RABGAP1L: variants seen among roughly 807,000 people sequenced by gnomAD.
RABGAP1L encodes RAB GTPase activating protein 1 like.
In RABGAP1L, 63 loss-of-function variants were observed where a neutral mutation model predicts 137.7. The ratio of observed to expected loss-of-function variants is 0.46; its 90% CI spans 0.37 to 0.56. The LOEUF (loss-of-function observed/expected upper bound fraction) is 0.56, where lower values mean the gene tolerates loss of function less well. Among genes scored for constraint, RABGAP1L ranks in the 20% least tolerant of loss-of-function variants. The pLI is 0.00. For missense variants in RABGAP1L, 1,095 were observed against 1,244.0 expected, an observed-to-expected ratio of 0.88 and a Z score of 1.80; for synonymous variants, 431 against 433.7, an observed-to-expected ratio of 0.99 and a Z score of 0.08.
chr1:174,329,766 G>A (rs1438341862), intron 11 of RABGAP1L, among the ~76,000 whole-genome samples: 1 of 152,110 alleles, frequency 6.6e-6, no homozygotes, highest in East Asian at 1.9e-4. Context: ...GCATGTGACA[G>A]ACTTCATCTT....
Position 174,525,409 on chromosome 1 carries a change from T to A in RABGAP1L, c.1711-111966T>A, listed in dbSNP as rs570157032. Among the ~76,000 whole-genome samples the A allele has an allele frequency of 7.9e-5, 12 of 152,268 alleles. No individual in the cohort carries two copies. In the East Asian group the frequency reaches 2.3e-3, roughly 29 times the overall value. On this transcript the variant is annotated intron_variant, in intron 13 of 25. Coordinates refer to ENST00000681986, the MANE Select transcript of RABGAP1L (RefSeq NM_001366446.1). ...ATTTTATTTTACTTTTTAGCTATTG[T>A]AAATTGGATTTCCTTGATGCTTTTT... is the stretch of plus-strand genomic sequence containing the variant.
chr1:174,851,478 A>G (rs924911731), intron 19 of RABGAP1L, among the ~76,000 whole-genome samples: 2 of 53,982 alleles, frequency 3.7e-5, no homozygotes, highest in Non-Finnish European at 1.2e-4. Flanking sequence ...ATTTTTTAGC[A>G]TTTCTGTTTT....
At chr1:174,412,214 G>T (rs1399571637) in intron 13 of RABGAP1L, among the ~76,000 whole-genome samples, 1 of 152,094 alleles carries the variant, frequency 6.6e-6, no homozygotes, top group African/African-American at 2.4e-5. Flanking sequence ...TTATCATTAT[G>T]TAATACCTTT....
At chr1:174,209,347 G>A (rs930799715) in intron 1 of RABGAP1L, among the ~76,000 whole-genome samples, 2 of 152,086 alleles carry the variant, frequency 1.3e-5, no homozygotes, top group African/African-American at 4.8e-5. Context: ...GACCTGCCCT[G>A]GACCAGAGGG....
chr1:174,893,793 C>T (rs191620745), intron 19 of RABGAP1L, among the ~76,000 whole-genome samples: 18 of 152,236 alleles, frequency 1.2e-4, no homozygotes, highest in African/African-American at 4.3e-4. Flanking sequence ...CTGGAAGAAT[C>T]CTAATATTAT....
chr1:174,412,587 T>C (rs1011336445), intron 13 of RABGAP1L, among the ~76,000 whole-genome samples: 3 of 152,084 alleles, frequency 2.0e-5, no homozygotes, highest in African/African-American at 7.2e-5. Context: ...TGTTTTTGGG[T>C]AGAGGAGGTA....
At chr1:174,298,583 G>T (rs55708433) in intron 10 of RABGAP1L, among the ~76,000 whole-genome samples, 3 of 152,178 alleles carry the variant, frequency 2.0e-5, no homozygotes, top group Admixed American at 6.5e-5. Flanking sequence ...ATTGAGTCTG[G>T]GGCAGAAATG....
At chr1:174,521,007 CA>C (rs1209788768) in intron 13 of RABGAP1L, among the ~76,000 whole-genome samples, 1 of 152,118 alleles carries the variant, frequency 6.6e-6, no homozygotes, top group African/African-American at 2.4e-5. Flanking sequence ...TGCAAAAAAA[CA>C]GTGTTTTAGT....
At chr1:174,700,922 G>A (rs1322712374) in intron 16 of RABGAP1L, 4 of 420,564 alleles carry the variant, frequency 9.5e-6, no homozygotes, top group African/African-American at 2.1e-5. Flanking sequence ...AATAACAGAT[G>A]TGTGGTACTA....
intron 19 of RABGAP1L, among the ~76,000 whole-genome samples, chr1:174,906,812 A>G (rs974897430): frequency 6.6e-6 from 1 of 151,970 alleles, no homozygotes; most frequent in Non-Finnish European, 1.5e-5. Flanking sequence ...AACATATGAA[A>G]GATCTCCAGT....
At chr1:174,195,839 CT>C (rs541907684) in intron 1 of RABGAP1L, among the ~76,000 whole-genome samples, 37 of 91,846 alleles carry the variant, frequency 4.0e-4, no homozygotes, top group Admixed American at 4.1e-4. Context: ...CCTTCTTCTT[CT>C]TTTTTTTTTT....
chr1:174,778,140 A>C (rs1176445029), intron 18 of RABGAP1L, among the ~76,000 whole-genome samples: 1 of 152,210 alleles, frequency 6.6e-6, no homozygotes, highest in Non-Finnish European at 1.5e-5. Context: ...AACCAGTGAT[A>C]AAGGTAAAAT....
chr1:174,713,291 T>G (rs1340654115), intron 17 of RABGAP1L, among the ~76,000 whole-genome samples: 1 of 152,222 alleles, frequency 6.6e-6, no homozygotes. Flanking sequence ...TTTTTTTTAC[T>G]ACATATGTAT....
At chr1:174,478,451 T>A (rs550799225) in intron 13 of RABGAP1L, among the ~76,000 whole-genome samples, 201 of 150,948 alleles carry the variant, frequency 1.3e-3, no homozygotes, top group African/African-American at 4.0e-3. Context: ...AAAAAAAAAT[T>A]TTTTTTTAAG....
intron 13 of RABGAP1L, among the ~76,000 whole-genome samples, chr1:174,474,203 A>G (rs1001323407): frequency 2.0e-5 from 3 of 152,176 alleles, no homozygotes; most frequent in Non-Finnish European, 2.9e-5. Flanking sequence ...TTATTTATTC[A>G]ATTTGTAGTA....
rs942806552 is a variant in RABGAP1L, at chr1:174,791,389, A to G, written c.2212-20443A>G. Among the ~76,000 whole-genome samples the G allele has an allele frequency of 5.3e-5, 8 of 152,228 alleles. 1 individual carries two copies. Among genetic ancestry groups the G allele is most frequent in the Non-Finnish European group, 1.5e-5 (1 of 68,044 alleles). On this transcript the variant is annotated intron_variant, in intron 18 of 25. Transcript: ENST00000681986. ...GAAGATGTTAGAGATTGCAAATTTA[A>G]TAGGGAATTGGAGATGGACCATAGG...
At chr1:174,633,029 C>T (rs1364188724) in intron 13 of RABGAP1L, among the ~76,000 whole-genome samples, 3 of 152,050 alleles carry the variant, frequency 2.0e-5, no homozygotes, top group African/African-American at 7.2e-5. Context: ...GAAGTTCTGG[C>T]CAGGGCAGTC....
In RABGAP1L at chr1:174,785,527, A is replaced by G. The variant is rs181242917; in HGVS notation, c.2212-26305A>G. Among the ~76,000 whole-genome samples the G allele has an allele frequency of 3.8e-3, 586 of 152,366 alleles. 3 individuals carry two copies. Among genetic ancestry groups the G allele is most frequent in the Middle Eastern group, 0.014 (4 of 294 alleles). The stretch of plus-strand genomic sequence containing the variant: ...GTTAGGCAATTTTAGAGTAAAGAGA[A>G]GAAATCAAAAGCTCTTGCTTAGCAC... On this transcript the variant is annotated intron_variant, in intron 18 of 25. Coordinates refer to ENST00000681986, the MANE Select transcript of RABGAP1L (RefSeq NM_001366446.1).
chr1:174,544,824 G>C (rs1248810644), intron 13 of RABGAP1L: 1 of 172,754 alleles, frequency 5.8e-6, no homozygotes, highest in Non-Finnish European at 1.3e-5. Context: ...CCTTCTAACA[G>C]TCACGACCCT....
Sources: gnomAD v4.1 joint callset for allele counts (sites outside exome capture counted in the v4.1 genomes callset) on GRCh38, gnomAD v4.1.1 for gene constraint, MANE v1.5 for transcripts, NCBI Gene and HGNC (gene_info 2026-07-23, HGNC 2026-07-21) for gene names.